The following SNX1 variants were observed in gnomAD, a reference collection of about 807,000 sequenced individuals.
SNX1 encodes the protein sorting nexin-1.
Under a neutral mutation model 71.8 loss-of-function variants are expected in SNX1, and 36 were observed. The observed-to-expected ratio is 0.50, with a 90% CI of 0.38 to 0.66. The LOEUF is 0.66. Ranked by LOEUF, SNX1 falls within the 30% of genes least tolerant of loss-of-function variation. The pLI is 0.00. For missense variants in SNX1, 612 were observed against 646.7 expected (o/e 0.95, Z 0.58); for synonymous variants, 254 against 240.7 (o/e 1.06, Z -0.51).
chr15:64,127,135 A>T, intron 6 of SNX1, 39 bp from the exon 7 acceptor site: 6 of 1,424,124 alleles, frequency 4.2e-6, no homozygotes, highest in Non-Finnish European at 5.9e-6. Flanking sequence ...CCTCTTCATG[A>T]TGATTTATGG....
At chr15:64,122,997 G>A (rs956723017) in intron 4 of SNX1, among the ~76,000 whole-genome samples, 2 of 151,980 alleles carry the variant, frequency 1.3e-5, no homozygotes, top group Admixed American at 1.3e-4. Flanking sequence ...TGTCCCCCCC[G>A]GCACCAATGG....
Position 64,144,178 on chromosome 15 carries a change from GTAT to G in SNX1, c.*6564_*6566del, listed in dbSNP as rs2081442128. The G allele has an allele frequency of 6.6e-6, 1 of 152,116 alleles. No individual in the cohort carries two copies. Among genetic ancestry groups the G allele is most frequent in the Non-Finnish European group, 1.5e-5 (1 of 68,026 alleles). The allele number at this position is 152,116 out of a possible 1,614,324, so 9.4% of individuals were successfully genotyped here. On this transcript the variant is annotated 3_prime_UTR_variant, in exon 15 of 15. Transcript: ENST00000559844. The surrounding 1 kb of genome is among the most constrained non-coding windows in gnomAD (Gnocchi z 4.3). Reference sequence around the variant, plus strand: ...ATTTTGTATTGCTTAAAATTTGTATGTATTATCGTTAAAATAAGAAAAATCAAA... The same window carrying G: ...ATTTTGTATTGCTTAAAATTTGTATGTATCGTTAAAATAAGAAAAATCAAA...
chr15:64,099,578 G>A (rs142291663), intron 1 of SNX1, among the ~76,000 whole-genome samples: 317 of 152,306 alleles, frequency 2.1e-3, no homozygotes, highest in Admixed American at 4.3e-3. Flanking sequence ...CTTGAGCCCA[G>A]GAGCTTGAGG....
At chr15:64,121,540 A>G (rs2140147959) in intron 4 of SNX1, among the ~76,000 whole-genome samples, 1 of 152,356 alleles carries the variant, frequency 6.6e-6, no homozygotes, top group African/African-American at 2.4e-5. Flanking sequence ...TGAGTGGAGT[A>G]GGGCCCACCC....
rs952040298 is a variant in SNX1, at chr15:64,138,342, G to A, written c.*724G>A. The A allele has an allele frequency of 8.9e-6, 5 of 560,014 alleles. No homozygotes were observed. The African/African-American group carries it at 9.6e-5, about 11-fold the overall frequency. 34.7% of individuals were successfully genotyped at this position (560,014 alleles called of 1,614,324 possible). A position where few individuals can be genotyped will look rare whatever the true frequency, so the allele number is the denominator to read the frequency against. ...CTCTCTCTCTTTTTTTTTTTTTTTTGGTGTCCCTATCATTAAGCAAGAGCC... is the reference window on the plus strand; with the variant it reads ...CTCTCTCTCTTTTTTTTTTTTTTTTAGTGTCCCTATCATTAAGCAAGAGCC... On this transcript the variant is annotated 3_prime_UTR_variant, in exon 15 of 15. Coordinates refer to ENST00000559844, the MANE Select transcript of SNX1 (RefSeq NM_003099.5).
chr15:64,136,018 T>G (rs2081355677), intron 12 of SNX1, among the ~76,000 whole-genome samples: 2 of 152,194 alleles, frequency 1.3e-5, no homozygotes. Flanking sequence ...AAATTAAGTT[T>G]TCCAGGCCTT....
In SNX1 at chr15:64,134,589, A is replaced by G; in HGVS notation, c.1222-75A>G. On this transcript the variant is annotated intron_variant, in intron 11 of 14. Transcript: ENST00000559844. The surrounding 1 kb of genome is among the most constrained non-coding windows in gnomAD (Gnocchi z 4.1). ...GTCTGTCCCTGGTGCAGCTGCTGGG[A>G]GAGCCTGCCTCGAGGCAGAGCCAGC... The G allele has an allele frequency of 1.3e-6, 2 of 1,520,658 alleles. No homozygotes were observed. Among genetic ancestry groups the G allele is most frequent in the Non-Finnish European group, 1.8e-6 (2 of 1,124,970 alleles). 94.2% of individuals were successfully genotyped at this position (1,520,658 alleles called of 1,614,324 possible).
intron 1 of SNX1, among the ~76,000 whole-genome samples, chr15:64,097,180 G>A (rs555216874): frequency 6.6e-6 from 1 of 152,210 alleles, no homozygotes; most frequent in East Asian, 1.9e-4. Context: ...TGAACGGATG[G>A]TCCCTGCTTG....
intron 6 of SNX1, among the ~76,000 whole-genome samples, chr15:64,126,674 G>A (rs1170809188): frequency 2.6e-5 from 4 of 152,094 alleles, no homozygotes; most frequent in Admixed American, 1.3e-4. Flanking sequence ...CCACCTTCCG[G>A]GTTCAAGAGA....
rs2081375251 is a variant in SNX1, at chr15:64,137,843, C to G, written c.*225C>G. 1.4e-6 allele frequency: 2 copies of G among 1,411,862 alleles called. No homozygotes were observed. The highest frequency in any genetic ancestry group is 3.4e-5 in the South Asian group (2 of 59,546). 87.5% of individuals were successfully genotyped at this position (1,411,862 alleles called of 1,614,324 possible). A position where few individuals can be genotyped will look rare whatever the true frequency, so the allele number is the denominator to read the frequency against. ...TAGTTTCCTGCTTTAAGCAAAAGAC[C>G]TACAATAGGTGGTGGAATTATGGGA... is the stretch of plus-strand genomic sequence containing the variant. On this transcript the variant is annotated 3_prime_UTR_variant, in exon 15 of 15. Coordinates refer to ENST00000559844, the MANE Select transcript of SNX1 (RefSeq NM_003099.5).
chr15:64,115,926 C>G (rs16947784), intron 2 of SNX1, among the ~76,000 whole-genome samples: 11,318 of 152,212 alleles, frequency 0.074, 1,318 homozygotes, highest in African/African-American at 0.25. Context: ...CCTACGCATA[C>G]TTCAACTGGT....
At chr15:64,135,475 G>A (rs1377019696) in intron 12 of SNX1, among the ~76,000 whole-genome samples, 1 of 148,892 alleles carries the variant, frequency 6.7e-6, no homozygotes, top group East Asian at 2.1e-4. Flanking sequence ...AAATTAGCCA[G>A]GGCTGGGCAC....
chr15:64,124,667 T>C (rs992811687), intron 5 of SNX1, among the ~76,000 whole-genome samples: 1 of 152,224 alleles, frequency 6.6e-6, no homozygotes, highest in Non-Finnish European at 1.5e-5. Flanking sequence ...TCAACATGTT[T>C]CTGGTTTTTG....
intron 1 of SNX1, among the ~76,000 whole-genome samples, chr15:64,101,110 A>G (rs1567315195): frequency 1.3e-5 from 2 of 152,316 alleles, no homozygotes; most frequent in East Asian, 1.9e-4. Flanking sequence ...CCCAAAAACA[A>G]TCTTTTTGAA....
chr15:64,111,833 C>T (rs1253359694), intron 1 of SNX1, among the ~76,000 whole-genome samples: 1 of 152,194 alleles, frequency 6.6e-6, no homozygotes, highest in East Asian at 1.9e-4. Context: ...ACTTTCAGCT[C>T]AGGTTCTGCA....
rs2081312136 is a variant in SNX1 at position 64,131,979 on chromosome 15, A to G, written c.1221+87A>G. ...CCCCTTCCCAAGACAGTTTCATCCC[A>G]TTATAGCTTGTAAATAGGTGTCACT... On this transcript the variant is annotated intron_variant, in intron 11 of 14. Coordinates refer to ENST00000559844, the MANE Select transcript of SNX1 (RefSeq NM_003099.5). The G allele has an allele frequency of 1.6e-5, 23 of 1,396,068 alleles. 1 individual carries two copies. The South Asian group carries it at 2.8e-4, about 17-fold the overall frequency. 86.5% of individuals were successfully genotyped at this position (1,396,068 alleles called of 1,614,324 possible).
In SNX1 at chr15:64,134,590, G is replaced by C; in HGVS notation, c.1222-74G>C. ...TCTGTCCCTGGTGCAGCTGCTGGGA[G>C]AGCCTGCCTCGAGGCAGAGCCAGCA... On this transcript the variant is annotated intron_variant, in intron 11 of 14. Transcript: ENST00000559844. The surrounding 1 kb of genome is among the most constrained non-coding windows in gnomAD (Gnocchi z 4.1). The C allele has an allele frequency of 1.3e-6, 2 of 1,526,542 alleles. No homozygotes were observed. Among genetic ancestry groups the C allele is most frequent in the Non-Finnish European group, 1.8e-6 (2 of 1,129,778 alleles). The allele number at this position is 1,526,542 out of a possible 1,614,324, so 94.6% of individuals were successfully genotyped here.
rs1477131412 is a variant in SNX1, at chr15:64,096,071, G to C, written c.58G>C (p.Gly20Arg). 1.3e-6 allele frequency: 2 copies of C among 1,581,948 alleles called. No homozygotes were observed. Among genetic ancestry groups the C allele is most frequent in the Non-Finnish European group, 1.7e-6 (2 of 1,167,590 alleles). Residue 20 changes from glycine (G) to arginine (R), a missense_variant, in exon 1 of 15, where the codon GGC becomes CGC. By Grantham distance (125) the Gly-to-Arg change is moderately radical. Around this residue, in one of 2 missense-constraint regions of SNX1, gnomAD observed 316 missense variants for 284.9 expected, o/e 1.11. Transcript: ENST00000559844. Reference protein sequence around the residue: ...ASERLPPPFPGLEPESEGAAG... With the variant: ...ASERLPPPFPRLEPESEGAAG... ...GGAGAGACTGCCTCCGCCCTTCCCCGGCCTGGAGCCGGAGTCCGAGGGGGC... is the reference window on the plus strand; with the variant it reads ...GGAGAGACTGCCTCCGCCCTTCCCCCGCCTGGAGCCGGAGTCCGAGGGGGC...
chr15:64,105,618 A>G (rs2081012487), intron 1 of SNX1, among the ~76,000 whole-genome samples: 1 of 152,188 alleles, frequency 6.6e-6, no homozygotes, highest in South Asian at 2.1e-4. Flanking sequence ...TCAATTTAGA[A>G]GGTAATCCAC....
Sources: allele counts gnomAD v4.1 joint callset (sites outside exome capture counted in the v4.1 genomes callset), GRCh38; gene constraint gnomAD v4.1.1; regional missense constraint gnomAD v4.1.1; non-coding constraint Gnocchi (gnomAD v3.1); transcripts MANE v1.5; gene names NCBI Gene and HGNC (gene_info 2026-07-23, HGNC 2026-07-21).